The following RAD52 variants were observed in gnomAD, a reference collection of about 807,000 sequenced individuals.
RAD52 encodes the protein DNA repair protein RAD52 homolog.
In RAD52, 47 loss-of-function variants were observed where a neutral mutation model predicts 55.5. That is an observed-to-expected ratio of 0.85 (90% CI 0.67 to 1.08). The LOEUF is 1.08. Ranked by LOEUF, RAD52 falls within the 50% of genes least tolerant of loss-of-function variation. The pLI, the probability that RAD52 is intolerant of heterozygous loss-of-function variation, is 0.00. For missense variants in RAD52, 468 were observed against 522.8 expected (o/e 0.90, Z 1.02); for synonymous variants, 184 against 198.9 (o/e 0.92, Z 0.63).
At chr12:927,392 C>G (rs1462638986) in intron 5 of RAD52, 129 bp from the exon 6 acceptor site, 10 of 716,050 alleles carry the variant, frequency 1.4e-5, no homozygotes, top group Non-Finnish European at 2.2e-5. Flanking sequence ...GGGGCACGGG[C>G]AGAAGGCTGG....
intron 1 of RAD52, among the ~76,000 whole-genome samples, chr12:938,475 G>C (rs1041446845): frequency 6.6e-6 from 1 of 152,196 alleles, no homozygotes; most frequent in Admixed American, 6.5e-5. Context: ...CTGAGCTCAG[G>C]AGTTCAAGAC....
chr12:925,127 T>G (rs536358722), intron 7 of RAD52, among the ~76,000 whole-genome samples: 3 of 152,104 alleles, frequency 2.0e-5, no homozygotes, highest in Admixed American at 6.6e-5. Context: ...ATTTTTTGTA[T>G]TTTTAGTAGA....
intron 1 of RAD52, among the ~76,000 whole-genome samples, chr12:937,977 G>A (rs985643443): frequency 1.1e-4 from 17 of 152,110 alleles, no homozygotes; most frequent in African/African-American, 3.9e-4. Context: ...TTCTCCAGTG[G>A]AATTAGGTTC....
intron 1 of RAD52, among the ~76,000 whole-genome samples, chr12:934,911 G>A (rs962940601): frequency 2.6e-5 from 4 of 151,998 alleles, no homozygotes; most frequent in Admixed American, 6.6e-5. Flanking sequence ...TCAGGAGTTC[G>A]AGATCAGCCT....
chr12:923,306 G>A (rs7300718), intron 7 of RAD52, among the ~76,000 whole-genome samples: 54,085 of 151,702 alleles, frequency 0.36, 10,107 homozygotes, highest in East Asian at 0.53. Context: ...TTGGGAGGCC[G>A]AGGCAGGAGG....
chr12:913,974 T>C lies in RAD52; in HGVS notation c.1115A>G (p.His372Arg), dbSNP rs765207726. The C allele has an allele frequency of 2.5e-6, 4 of 1,614,076 alleles. No homozygotes were observed. In the African/African-American group the frequency reaches 4.0e-5, roughly 16 times the overall value. ...TTGTGGTTTCTGGTGGCAAACGCTGTGTGGAGTCCTGTTCTGGGTCACCAT... is the reference window on the plus strand; with the variant it reads ...TTGTGGTTTCTGGTGGCAAACGCTGCGTGGAGTCCTGTTCTGGGTCACCAT... ...NQMVTQNRTP[H>R]SVCHQKPQAK... Residue 372 changes from histidine to arginine, a missense_variant, in exon 11 of 12, where the codon CAC (histidine) becomes CGC (arginine). His to Arg is a conservative substitution (Grantham distance 29, BLOSUM62 0). Transcript: ENST00000358495.
intron 1 of RAD52, among the ~76,000 whole-genome samples, chr12:936,416 T>TTTTTTTTTTTTTTTTTTTTTTTGAGACG (rs1565678817): frequency 6.6e-6 from 1 of 150,908 alleles, no homozygotes; most frequent in African/African-American, 2.4e-5. Flanking sequence ...TCTTTTACTT[T>TTTTTTTTTTTTTTTTTTTTTTTGAGACG]GAAAAAGATG....
chr12:927,941 A>G (rs1199305670), intron 5 of RAD52, among the ~76,000 whole-genome samples: 1 of 152,082 alleles, frequency 6.6e-6, no homozygotes, highest in Non-Finnish European at 1.5e-5. Context: ...TAAGGACGGG[A>G]GAGCAAACCC....
At chr12:924,960 T>G (rs1592350101) in intron 7 of RAD52, among the ~76,000 whole-genome samples, 1 of 150,498 alleles carries the variant, frequency 6.6e-6, no homozygotes, top group East Asian at 1.9e-4. Flanking sequence ...TTTTTTTTTT[T>G]TTTTTTTGGA....
intron 7 of RAD52, 70 bp from the exon 8 acceptor site, chr12:916,890 AGATTGC>A: frequency 6.5e-7 from 1 of 1,542,432 alleles, no homozygotes; most frequent in Non-Finnish European, 8.8e-7. Context: ...CCTGACTCAC[AGATTGC>A]GATTCCTGGA....
chr12:960,998 G>T (rs892492411), intron 1 of RAD52, among the ~76,000 whole-genome samples: 2 of 152,022 alleles, frequency 1.3e-5, no homozygotes, highest in African/African-American at 4.8e-5. Flanking sequence ...ATAGAGGCAA[G>T]ACAGAGAAGA....
At chr12:978,678 C>T (rs1346621475) in intron 1 of RAD52, among the ~76,000 whole-genome samples, 1 of 151,988 alleles carries the variant, frequency 6.6e-6, no homozygotes. Flanking sequence ...CGGCGTGCAC[C>T]TGTAGTCCCA....
chr12:980,873 T>C (rs989299703), intron 1 of RAD52, among the ~76,000 whole-genome samples: 1 of 152,152 alleles, frequency 6.6e-6, no homozygotes, highest in Admixed American at 6.5e-5. Context: ...GACTTCAACA[T>C]GAGTTTTGGG....
At chr12:971,624 G>T (rs1958853855) in intron 1 of RAD52, among the ~76,000 whole-genome samples, 1 of 152,088 alleles carries the variant, frequency 6.6e-6, no homozygotes, top group South Asian at 2.1e-4. Flanking sequence ...AATAAATATG[G>T]AAAGATAATA....
Position 913,223 on chromosome 12 carries a change from T to TCTAA in RAD52, c.*164_*167dup. On this transcript the variant is annotated 3_prime_UTR_variant, in exon 12 of 12. Coordinates refer to ENST00000358495, the MANE Select transcript of RAD52 (RefSeq NM_134424.4). ...GACAAGCTTTTCAAAAGTGCTCAGC[T>TCTAA]CTAACTGCAGTGGGCTCTCAGTCAG... 1 of 657,544 alleles carries TCTAA rather than the reference T, an allele frequency of 1.5e-6. No individual in the cohort carries two copies. The highest frequency in any genetic ancestry group is 2.7e-6 in the Non-Finnish European group (1 of 373,754). The allele number at this position is 657,544 out of a possible 1,614,324, so 40.7% of individuals were successfully genotyped here.
chr12:971,340 T>C (rs1958848190), intron 1 of RAD52, among the ~76,000 whole-genome samples: 1 of 152,088 alleles, frequency 6.6e-6, no homozygotes, highest in Non-Finnish European at 1.5e-5. Flanking sequence ...TGCCTTTTCC[T>C]CTAGTGTGAG....
chr12:967,044 T>C (rs1419306517), intron 1 of RAD52, among the ~76,000 whole-genome samples: 2 of 152,080 alleles, frequency 1.3e-5, no homozygotes, highest in African/African-American at 2.4e-5. Flanking sequence ...ATGAAGTATC[T>C]ATTTAATTTT....
intron 6 of RAD52, 26 bp downstream of exon 6, chr12:927,118 AG>A (rs1446192569): frequency 3.1e-6 from 5 of 1,593,512 alleles, no homozygotes; most frequent in South Asian, 1.1e-5. Flanking sequence ...GAAATGACGC[AG>A]GTTAGACTCC....
chr12:927,037 T>C, intron 6 of RAD52, 108 bp downstream of exon 6: 5 of 1,521,668 alleles, frequency 3.3e-6, no homozygotes, highest in Non-Finnish European at 4.5e-6. Flanking sequence ...TCCACGCTGC[T>C]TGGATTTTTG....
Sources: gnomAD v4.1 joint callset for allele counts (sites outside exome capture counted in the v4.1 genomes callset) on GRCh38, gnomAD v4.1.1 for gene constraint, MANE v1.5 for transcripts, NCBI Gene and HGNC (gene_info 2026-07-23, HGNC 2026-07-21) for gene names.